Variants in UBASH3B observed in about 807,000 individuals in gnomAD.
The protein encoded by UBASH3B is ubiquitin-associated and SH3 domain-containing protein B.
Under a neutral mutation model 83.4 loss-of-function variants are expected in UBASH3B, and 37 were observed. The ratio of observed to expected loss-of-function variants is 0.44; its 90% CI spans 0.34 to 0.58. UBASH3B has a LOEUF of 0.58. UBASH3B is among the 20% of genes least tolerant of loss of function. The probability of loss-of-function intolerance (pLI) is 0.01; values close to 1 mark genes in which losing one functional copy is unlikely to be tolerated. For missense variants in UBASH3B, 657 were observed against 827.2 expected, an observed-to-expected ratio of 0.79 and a Z score of 2.52; for synonymous variants, 304 against 318.3, an observed-to-expected ratio of 0.96 and a Z score of 0.48.
intron 1 of UBASH3B, among the ~76,000 whole-genome samples, chr11:122,754,053 G>A (rs947354285): frequency 6.6e-6 from 1 of 152,204 alleles, no homozygotes; most frequent in African/African-American, 2.4e-5. Context: ...TGGCCAGTGT[G>A]ATGTGGAACT....
At chr11:122,772,039 C>T (rs968003357) in intron 1 of UBASH3B, among the ~76,000 whole-genome samples, 5 of 152,168 alleles carry the variant, frequency 3.3e-5, no homozygotes, top group Non-Finnish European at 7.3e-5. Context: ...CTCTAACTAC[C>T]TCAAGCTAGA....
chr11:122,795,606 G>C (rs964932072), intron 7 of UBASH3B, among the ~76,000 whole-genome samples: 3 of 152,130 alleles, frequency 2.0e-5, no homozygotes, highest in African/African-American at 7.2e-5. Flanking sequence ...TCTCATTTTG[G>C]GGATCATATA....
intron 1 of UBASH3B, among the ~76,000 whole-genome samples, chr11:122,660,941 C>A (rs923309214): frequency 1.3e-5 from 2 of 152,102 alleles, no homozygotes; most frequent in Non-Finnish European, 2.9e-5. Flanking sequence ...ACCTCTTTTC[C>A]TTAATATCTT....
intron 1 of UBASH3B, among the ~76,000 whole-genome samples, chr11:122,727,064 C>G (rs915872108): frequency 6.6e-6 from 1 of 152,114 alleles, no homozygotes; most frequent in African/African-American, 2.4e-5. Flanking sequence ...GGTTTTTTTC[C>G]TCCCCTCCAG....
rs79622605 is a variant in UBASH3B at position 122,758,213 on chromosome 11, G to A, written c.162-18006G>A. Among the ~76,000 whole-genome samples the A allele has an allele frequency of 0.012, 1,846 of 152,254 alleles. 43 individuals are homozygous for A. The highest frequency in any genetic ancestry group is 0.042 in the African/African-American group (1,744 of 41,546). On this transcript the variant is annotated intron_variant, in intron 1 of 13. Coordinates refer to ENST00000284273, the MANE Select transcript of UBASH3B (RefSeq NM_032873.5). The surrounding 1 kb of genome is among the most constrained non-coding windows in gnomAD (Gnocchi z 4.2). ...ATCGTAGTTGGGCCAGCAGACACACGGCTGGCTAGAGAGTTTTGGACCCCT... is the reference window on the plus strand; with the variant it reads ...ATCGTAGTTGGGCCAGCAGACACACAGCTGGCTAGAGAGTTTTGGACCCCT...
At chr11:122,705,690 G>A (rs949609673) in intron 1 of UBASH3B, among the ~76,000 whole-genome samples, 1 of 152,078 alleles carries the variant, frequency 6.6e-6, no homozygotes, top group African/African-American at 2.4e-5. Context: ...CCTCACCAGG[G>A]ACCTTAAATC....
At chr11:122,668,579 A>G (rs905143792) in intron 1 of UBASH3B, among the ~76,000 whole-genome samples, 22 of 152,188 alleles carry the variant, frequency 1.4e-4, no homozygotes, top group Non-Finnish European at 2.8e-4. Flanking sequence ...CCATGAGGGT[A>G]AGAACAAGCG....
At chr11:122,776,400 C>T (rs193054671) in intron 2 of UBASH3B, 128 bp downstream of exon 2, 2 of 825,706 alleles carry the variant, frequency 2.4e-6, no homozygotes, top group Non-Finnish European at 3.6e-6. Flanking sequence ...AAGACTGTGG[C>T]AAGTGCGTTT....
rs1006235053 is a variant in UBASH3B at position 122,814,162 on chromosome 11, T to C, written c.*4276T>C. On this transcript the variant is annotated 3_prime_UTR_variant, in exon 14 of 14. Transcript: ENST00000284273. ...ACACCATGCCAAGGCATTTTGGTTATACACAGATCATTCTAAACCTGTTAT... is the reference window on the plus strand; with the variant it reads ...ACACCATGCCAAGGCATTTTGGTTACACACAGATCATTCTAAACCTGTTAT... 1.3e-5 allele frequency: 2 copies of C among 152,700 alleles called. No individual in the cohort carries two copies. The highest frequency in any genetic ancestry group is 2.4e-5 in the African/African-American group (1 of 41,476). The allele number at this position is 152,700 out of a possible 1,614,324, so 9.5% of individuals were successfully genotyped here.
At chr11:122,764,886 G>C (rs1373255319) in intron 1 of UBASH3B, among the ~76,000 whole-genome samples, 1 of 152,098 alleles carries the variant, frequency 6.6e-6, no homozygotes, top group Non-Finnish European at 1.5e-5. Context: ...TAAGCCAACA[G>C]AAGAGAAAAA....
chr11:122,668,526 T>G (rs1179000607), intron 1 of UBASH3B, among the ~76,000 whole-genome samples: 2 of 152,084 alleles, frequency 1.3e-5, no homozygotes, highest in Non-Finnish European at 2.9e-5. Context: ...CTTGTACCAG[T>G]GATAGGATAT....
chr11:122,780,828 A>G (rs1230251288), intron 4 of UBASH3B, among the ~76,000 whole-genome samples: 1 of 152,206 alleles, frequency 6.6e-6, no homozygotes, highest in Non-Finnish European at 1.5e-5. Context: ...GTGGAAGCCG[A>G]GTGCTGAGTG....
chr11:122,715,029 T>A (rs1836936729), intron 1 of UBASH3B, among the ~76,000 whole-genome samples: 1 of 152,162 alleles, frequency 6.6e-6, no homozygotes, highest in Admixed American at 6.5e-5. Flanking sequence ...CACTGCAAGC[T>A]CCGCCTCCCG....
intron 1 of UBASH3B, among the ~76,000 whole-genome samples, chr11:122,681,693 T>TGC (rs1491258307): frequency 5.4e-5 from 7 of 130,522 alleles, no homozygotes; most frequent in South Asian, 5.0e-4. Flanking sequence ...TGTACACACA[T>TGC]GCACACACAC....
Position 122,808,186 on chromosome 11 carries a change from T to C in UBASH3B, c.1812+10T>C. The C allele has an allele frequency of 1.9e-6, 3 of 1,610,938 alleles. No homozygotes were observed. Among genetic ancestry groups the C allele is most frequent in the Non-Finnish European group, 2.5e-6 (3 of 1,177,180 alleles). ...ACAAATGGTCCGAAAGGTAATTCAT[T>C]CTCGTACTTTGGGGTCCGTGATGGC... On this transcript the variant is annotated intron_variant, in intron 13 of 13. Coordinates refer to ENST00000284273, the MANE Select transcript of UBASH3B (RefSeq NM_032873.5).
In UBASH3B at chr11:122,808,721, C is replaced by T. The variant is rs191221469; in HGVS notation, c.1812+545C>T. ...GGTCAGCTGCCTCCCACACACTTCC[C>T]TTCAGGCAAATTACATACTTCCTTT... On this transcript the variant is annotated intron_variant, in intron 13 of 13. Coordinates refer to ENST00000284273, the MANE Select transcript of UBASH3B (RefSeq NM_032873.5). Among the ~76,000 whole-genome samples the T allele has an allele frequency of 3.9e-5, 6 of 152,336 alleles. No homozygotes were observed. The East Asian group carries it at 9.6e-4, about 24-fold the overall frequency.
At position 122,813,372 on chromosome 11, in the gene UBASH3B, G is replaced by A. The variant is rs1041425048; in HGVS notation, c.*3486G>A. On this transcript the variant is annotated 3_prime_UTR_variant, in exon 14 of 14. Transcript: ENST00000284273. ...TGCCTTTGTGGAAAGGCTTCCCTATGTGGTAAAAGAAAGGCATTCCTCCGT... is the reference window on the plus strand; with the variant it reads ...TGCCTTTGTGGAAAGGCTTCCCTATATGGTAAAAGAAAGGCATTCCTCCGT... The A allele has an allele frequency of 6.6e-6, 1 of 152,214 alleles. No individual in the cohort carries two copies. The allele number at this position is 152,214 out of a possible 1,614,324, so 9.4% of individuals were successfully genotyped here.
intron 1 of UBASH3B, among the ~76,000 whole-genome samples, chr11:122,717,928 C>T (rs1201274395): frequency 1.5e-5 from 2 of 137,914 alleles, no homozygotes; most frequent in Non-Finnish European, 3.1e-5. Flanking sequence ...TTTTTTCGGA[C>T]AAGTCTCACT....
chr11:122,703,866 G>A (rs1016756033), intron 1 of UBASH3B, among the ~76,000 whole-genome samples: 5 of 152,222 alleles, frequency 3.3e-5, no homozygotes, highest in African/African-American at 4.8e-5. Context: ...GATGGCATAA[G>A]CCGGGGATAT....
Sources: allele counts gnomAD v4.1 joint callset (sites outside exome capture counted in the v4.1 genomes callset), GRCh38; gene constraint gnomAD v4.1.1; non-coding constraint Gnocchi (gnomAD v3.1); transcripts MANE v1.5; gene names NCBI Gene and HGNC (gene_info 2026-07-23, HGNC 2026-07-21).